The following EFCAB6 variants were observed in gnomAD, a reference collection of about 807,000 sequenced individuals.
EFCAB6 encodes EF-hand calcium binding domain 6.
Under a neutral mutation model 169.8 loss-of-function variants are expected in EFCAB6, and 156 were observed. That is an observed-to-expected ratio of 0.92 (90% CI 0.81 to 1.05). The LOEUF (loss-of-function observed/expected upper bound fraction) is 1.05. Ranked by LOEUF, EFCAB6 falls within the 50% of genes least tolerant of loss-of-function variation. The pLI is 0.00. For synonymous variants in EFCAB6, 698 were observed against 676.4 expected (o/e 1.03, Z -0.50); for missense variants, 1,800 against 1,829.1 (o/e 0.98, Z 0.29).
At chr22:43,716,346 A>AC (rs1387055883) in intron 9 of EFCAB6, among the ~76,000 whole-genome samples, 1 of 152,050 alleles carries the variant, frequency 6.6e-6, no homozygotes, top group African/African-American at 2.4e-5. Context: ...TTAGCCAACT[A>AC]CCCCTTTAAA....
intron 18 of EFCAB6, among the ~76,000 whole-genome samples, chr22:43,632,825 T>A (rs1602759279): frequency 1.3e-5 from 2 of 152,362 alleles, no homozygotes; most frequent in East Asian, 3.9e-4. Context: ...CCCTGTTTAC[T>A]TGTCCTGTGT....
At chr22:43,622,395 T>C (rs1043170775) in intron 20 of EFCAB6, among the ~76,000 whole-genome samples, 2 of 152,122 alleles carry the variant, frequency 1.3e-5, no homozygotes, top group Non-Finnish European at 2.9e-5. Context: ...TGAAACCTTG[T>C]CTCTACTAAA....
intron 8 of EFCAB6, among the ~76,000 whole-genome samples, chr22:43,718,446 A>T (rs2059410254): frequency 6.6e-6 from 1 of 152,198 alleles, no homozygotes; most frequent in African/African-American, 2.4e-5. Flanking sequence ...AGAAAAAAAA[A>T]GATCCCTCTG....
Position 43,537,338 on chromosome 22 carries a change from C to T in EFCAB6, c.4048+39G>A, listed in dbSNP as rs2047443499. On this transcript the variant is annotated intron_variant, in intron 29 of 31. Transcript: ENST00000262726. This position sits in a 1 kb window ranked among gnomAD's most constrained non-coding sequence, Gnocchi z 4.3. ...TGGGAACAGCCTCTTGCCACAGGGG[C>T]TGACCACATATTACCAAGCAGATAG... 13 of 1,604,974 alleles carry T rather than the reference C, an allele frequency of 8.1e-6. No individual in the cohort carries two copies. The highest frequency in any genetic ancestry group is 9.4e-6 in the Non-Finnish European group (11 of 1,174,012).
intron 18 of EFCAB6, 127 bp from the exon 19 acceptor site, chr22:43,632,365 T>C: frequency 7.5e-7 from 1 of 1,339,670 alleles, no homozygotes; most frequent in Non-Finnish European, 9.9e-7. Context: ...AGTGGTGCAA[T>C]CTCAGCTCAC....
intron 10 of EFCAB6, among the ~76,000 whole-genome samples, chr22:43,700,792 A>C (rs773742167): frequency 8.5e-5 from 13 of 152,278 alleles, no homozygotes; most frequent in Non-Finnish European, 1.3e-4. Context: ...GTGCATATCA[A>C]CATGGCTTAT....
At chr22:43,586,674 C>T (rs964410880) in intron 24 of EFCAB6, among the ~76,000 whole-genome samples, 5 of 151,982 alleles carry the variant, frequency 3.3e-5, no homozygotes, top group Admixed American at 6.6e-5. Flanking sequence ...TGTTACCACT[C>T]AAAACTCTTC....
At chr22:43,577,820 C>T (rs1009129580) in intron 25 of EFCAB6, among the ~76,000 whole-genome samples, 2 of 151,172 alleles carry the variant, frequency 1.3e-5, no homozygotes, top group Non-Finnish European at 1.5e-5. Context: ...TCCCTCACAC[C>T]GCACCGGGAC....
At chr22:43,763,266 T>G (rs1157255729) in intron 5 of EFCAB6, among the ~76,000 whole-genome samples, 1 of 152,138 alleles carries the variant, frequency 6.6e-6, no homozygotes, top group African/African-American at 2.4e-5. Flanking sequence ...CTCGAACTCC[T>G]GACCTCAGGT....
chr22:43,698,155 T>C (rs1322413180), intron 10 of EFCAB6, among the ~76,000 whole-genome samples: 2 of 152,136 alleles, frequency 1.3e-5, no homozygotes, highest in Non-Finnish European at 2.9e-5. Flanking sequence ...TTTGAAAACA[T>C]GAACTTCCTG....
intron 4 of EFCAB6, among the ~76,000 whole-genome samples, chr22:43,771,541 G>A (rs912395429): frequency 6.6e-6 from 1 of 152,088 alleles, no homozygotes; most frequent in Non-Finnish European, 1.5e-5. Context: ...TAGTTATTGG[G>A]TTAAATGGAA....
At chr22:43,583,520 T>A (rs2050867030) in intron 24 of EFCAB6, among the ~76,000 whole-genome samples, 1 of 152,014 alleles carries the variant, frequency 6.6e-6, no homozygotes, top group Non-Finnish European at 1.5e-5. Flanking sequence ...ATCATAGATA[T>A]GAAACAAATT....
rs2157229 is a variant in EFCAB6 at position 43,620,570 on chromosome 22, C to T, written c.2466-4648G>A. Among the ~76,000 whole-genome samples, 28 of 152,232 alleles carry T rather than the reference C, an allele frequency of 1.8e-4. 1 individual carries two copies. The highest frequency in any genetic ancestry group is 6.0e-4 in the African/African-American group (25 of 41,546). ...ACTAAGACAATTTGTCTCCAACAGACCTGCTCTAAAAGATGTCCTATAGGA... is the reference window on the plus strand; with the variant it reads ...ACTAAGACAATTTGTCTCCAACAGATCTGCTCTAAAAGATGTCCTATAGGA... On this transcript the variant is annotated intron_variant, in intron 20 of 31. Coordinates refer to ENST00000262726, the MANE Select transcript of EFCAB6 (RefSeq NM_022785.4).
At position 43,537,908 on chromosome 22, in the gene EFCAB6, C is replaced by T. The variant is rs2047474551; in HGVS notation, c.3880-363G>A. ...GAGTCTTATCCAAGAAAGGGATTTA[C>T]TTGTCCTGGGCACAAGACATCCAAT... On this transcript the variant is annotated intron_variant, in intron 28 of 31. Transcript: ENST00000262726. This position sits in a 1 kb window ranked among gnomAD's most constrained non-coding sequence, Gnocchi z 4.3. Among the ~76,000 whole-genome samples, 1 of 152,156 alleles carries T rather than the reference C, an allele frequency of 6.6e-6. No individual in the cohort carries two copies. The highest frequency in any genetic ancestry group is 2.4e-5 in the African/African-American group (1 of 41,416).
chr22:43,622,219 C>T (rs1249122873), intron 20 of EFCAB6, among the ~76,000 whole-genome samples: 2 of 152,162 alleles, frequency 1.3e-5, no homozygotes, highest in East Asian at 1.9e-4. Context: ...GTATTCATGA[C>T]TTTTATTATT....
intron 5 of EFCAB6, chr22:43,759,328 C>T (rs1255779213): frequency 6.6e-6 from 1 of 152,204 alleles, no homozygotes; most frequent in Non-Finnish European, 1.5e-5. Context: ...GATTTTTCTT[C>T]AGAACTCTCA....
At chr22:43,533,299 G>A (rs544665155) in intron 30 of EFCAB6, 5 of 152,374 alleles carry the variant, frequency 3.3e-5, no homozygotes, top group Admixed American at 3.3e-4. Context: ...GCTGGTGGAT[G>A]AAGACCCTTT....
chr22:43,704,255 C>T (rs2058871659), intron 10 of EFCAB6, among the ~76,000 whole-genome samples: 1 of 152,054 alleles, frequency 6.6e-6, no homozygotes, highest in Non-Finnish European at 1.5e-5. Flanking sequence ...ACCGAGAATA[C>T]TTCACCCAGA....
At chr22:43,606,277 A>C (rs2052912118) in intron 22 of EFCAB6, among the ~76,000 whole-genome samples, 2 of 152,224 alleles carry the variant, frequency 1.3e-5, no homozygotes, top group South Asian at 4.1e-4. Flanking sequence ...GGGATACAGC[A>C]CTTAATTACC....
Sources: allele counts gnomAD v4.1 joint callset (sites outside exome capture counted in the v4.1 genomes callset), GRCh38; gene constraint gnomAD v4.1.1; non-coding constraint Gnocchi (gnomAD v3.1); transcripts MANE v1.5; gene names NCBI Gene and HGNC (gene_info 2026-07-23, HGNC 2026-07-21).